CSRNP2: variants seen among roughly 807,000 people sequenced by gnomAD.
CSRNP2 encodes cysteine and serine rich nuclear protein 2.
In CSRNP2, 11 loss-of-function variants were observed where a neutral mutation model predicts 36.6. The ratio of observed to expected loss-of-function variants is 0.30; its 90% confidence interval spans 0.19 to 0.50. CSRNP2 has a LOEUF of 0.50. Ranked by LOEUF, CSRNP2 falls within the 20% of genes least tolerant of loss-of-function variation. CSRNP2 has a pLI of 0.98. For missense variants in CSRNP2, 483 were observed against 691.4 expected, an observed-to-expected ratio of 0.70 and a Z score of 3.38; for synonymous variants, 248 against 275.3, an observed-to-expected ratio of 0.90 and a Z score of 0.98.
intron 3 of CSRNP2, among the ~76,000 whole-genome samples, chr12:51,070,651 T>G (rs1939079206): frequency 6.6e-6 from 1 of 152,190 alleles, no homozygotes; most frequent in Admixed American, 6.5e-5. Flanking sequence ...CTATTCATGA[T>G]AATGAGTTCC....
chr12:51,079,533 C>T (rs559428064), intron 1 of CSRNP2, among the ~76,000 whole-genome samples: 3 of 150,328 alleles, frequency 2.0e-5, no homozygotes, highest in South Asian at 4.2e-4. Flanking sequence ...GAGGCCGAGG[C>T]GGGCAGATCA....
At chr12:51,078,068 A>G (rs1034860859) in intron 1 of CSRNP2, among the ~76,000 whole-genome samples, 1 of 152,182 alleles carries the variant, frequency 6.6e-6, no homozygotes, top group Non-Finnish European at 1.5e-5. Flanking sequence ...CTATGATCTC[A>G]CTAGTTGCTA....
intron 3 of CSRNP2, among the ~76,000 whole-genome samples, chr12:51,071,650 C>T (rs1939162840): frequency 6.6e-6 from 1 of 152,184 alleles, no homozygotes; most frequent in Non-Finnish European, 1.5e-5. Context: ...GCTCACTAAA[C>T]ATCCTGCTAA....
intron 2 of CSRNP2, among the ~76,000 whole-genome samples, 154 bp from the exon 3 acceptor site, chr12:51,074,236 GC>G (rs1713128089): frequency 6.6e-6 from 1 of 152,172 alleles, no homozygotes; most frequent in Non-Finnish European, 1.5e-5. Context: ...TCCTGCCTCA[GC>G]CTCCTGAGAA....
chr12:51,069,569 G>C (rs951135918), intron 3 of CSRNP2, among the ~76,000 whole-genome samples: 1 of 150,670 alleles, frequency 6.6e-6, no homozygotes, highest in Non-Finnish European at 1.5e-5. Flanking sequence ...TTACAGGCCT[G>C]AGCCACTGCA....
At chr12:51,069,149 G>C (rs1246554117) in intron 3 of CSRNP2, among the ~76,000 whole-genome samples, 1 of 151,746 alleles carries the variant, frequency 6.6e-6, no homozygotes, top group African/African-American at 2.4e-5. Flanking sequence ...CTAACTTTTT[G>C]TATTTTTAGT....
intron 4 of CSRNP2, among the ~76,000 whole-genome samples, chr12:51,065,288 A>G (rs931764192): frequency 3.9e-5 from 6 of 152,200 alleles, no homozygotes; most frequent in African/African-American, 2.4e-5. Flanking sequence ...TTAGTTCTGA[A>G]GCAGTTACCA....
rs2136816590 is a variant in CSRNP2, at chr12:51,062,132, TCA to T, written c.*1612_*1613del. 6.6e-6 allele frequency: 1 copy of T among 152,268 alleles called. No homozygotes were observed. Among genetic ancestry groups the T allele is most frequent in the African/African-American group, 2.4e-5 (1 of 41,550 alleles). The allele number at this position is 152,268 out of a possible 1,614,324, so 9.4% of individuals were successfully genotyped here. On this transcript the variant is annotated 3_prime_UTR_variant, in exon 5 of 5. Transcript: ENST00000228515. ...GTATTAAATACAAATCTTTTCAGGC[TCA>T]GAGTTTAGAGACTTCAGGGGTGAAA...
intron 4 of CSRNP2, among the ~76,000 whole-genome samples, chr12:51,066,127 C>A (rs1172342089): frequency 6.6e-6 from 1 of 151,280 alleles, no homozygotes; most frequent in East Asian, 1.9e-4. Flanking sequence ...TGAGACCTGC[C>A]CGGCCAACAT....
At position 51,063,134 on chromosome 12, in the gene CSRNP2, G is replaced by C. The variant is rs1338754349; in HGVS notation, c.*612C>G. The C allele has an allele frequency of 1.3e-5, 2 of 152,158 alleles. No homozygotes were observed. Among genetic ancestry groups the C allele is most frequent in the Non-Finnish European group, 2.9e-5 (2 of 68,028 alleles). 9.4% of individuals were successfully genotyped at this position (152,158 alleles called of 1,614,324 possible). A position where few individuals can be genotyped will look rare whatever the true frequency, so the allele number is the denominator to read the frequency against. On this transcript the variant is annotated 3_prime_UTR_variant, in exon 5 of 5. Coordinates refer to ENST00000228515, the MANE Select transcript of CSRNP2 (RefSeq NM_030809.3). ...ACAGACCAGGAATCCCCAGTGTGGG[G>C]AACAGGTCAGAGAACACCAAACATG...
intron 4 of CSRNP2, among the ~76,000 whole-genome samples, chr12:51,066,213 G>A (rs767160903): frequency 6.6e-6 from 1 of 152,180 alleles, no homozygotes; most frequent in Admixed American, 6.5e-5. Flanking sequence ...CCAGCACTTT[G>A]GGAGGCTGAG....
In CSRNP2 at chr12:51,063,167, T is replaced by C. The variant is rs1443601205; in HGVS notation, c.*579A>G. 2.6e-5 allele frequency: 4 copies of C among 152,050 alleles called. No homozygotes were observed. The highest frequency in any genetic ancestry group is 6.5e-5 in the Admixed American group (1 of 15,270). 9.4% of individuals were successfully genotyped at this position (152,050 alleles called of 1,614,324 possible). On this transcript the variant is annotated 3_prime_UTR_variant, in exon 5 of 5. Coordinates refer to ENST00000228515, the MANE Select transcript of CSRNP2 (RefSeq NM_030809.3). ...CAGAGAACACCAAACATGTCAAATATTAACTTATTTACCAAATATGGGATT... is the reference window on the plus strand; with the variant it reads ...CAGAGAACACCAAACATGTCAAATACTAACTTATTTACCAAATATGGGATT...
intron 3 of CSRNP2, among the ~76,000 whole-genome samples, chr12:51,068,630 G>A (rs1355539444): frequency 1.3e-5 from 2 of 151,946 alleles, no homozygotes; most frequent in Admixed American, 6.6e-5. Context: ...CAAACATACC[G>A]TCTATTTCCA....
chr12:51,074,364 G>A (rs936853117), intron 2 of CSRNP2, among the ~76,000 whole-genome samples: 12 of 152,086 alleles, frequency 7.9e-5, no homozygotes, highest in African/African-American at 1.4e-4. Context: ...TGATCCGCCC[G>A]CCCCGGCCTC....
At chr12:51,068,567 A>G (rs1184631979) in intron 3 of CSRNP2, among the ~76,000 whole-genome samples, 3 of 152,152 alleles carry the variant, frequency 2.0e-5, no homozygotes, top group African/African-American at 2.4e-5. Flanking sequence ...TTCTGGGTCC[A>G]AGCTTCTCAA....
chr12:51,063,864 G>C lies in CSRNP2; in HGVS notation c.1514C>G (p.Pro505Arg). 1 of 1,614,118 alleles carries C rather than the reference G, an allele frequency of 6.2e-7. No individual in the cohort carries two copies. The highest frequency in any genetic ancestry group is 8.5e-7 in the Non-Finnish European group (1 of 1,180,008). Residue 505 changes from proline to arginine, a missense_variant, in exon 5 of 5, where the codon CCC (proline) becomes CGC (arginine). Transcript: ENST00000228515. ...ENEDFHPSWS[P>R]SSLPFRTDNE... The stretch of plus-strand genomic sequence containing the variant: ...GTCCGTGCGGAAGGGGAGGCTTGAG[G>C]GGGACCAGGAAGGGTGGAAGTCTTC...
rs541091809 is a variant in CSRNP2 at position 51,065,605 on chromosome 12, G to A, written c.709-936C>T. On this transcript the variant is annotated intron_variant, in intron 4 of 4. Coordinates refer to ENST00000228515, the MANE Select transcript of CSRNP2 (RefSeq NM_030809.3). ...GGAGCCATGCTGGGATTACAGGTGT[G>A]AGCCACCGCGCCCGGCCCTAATTTT... Among the ~76,000 whole-genome samples the A allele has an allele frequency of 2.6e-5, 4 of 152,040 alleles. No homozygotes were observed. The South Asian group carries it at 8.3e-4, about 32-fold the overall frequency.
chr12:51,069,479 G>T (rs371271681), intron 3 of CSRNP2, among the ~76,000 whole-genome samples: 2 of 149,436 alleles, frequency 1.3e-5, no homozygotes, highest in South Asian at 4.2e-4. Context: ...TAGAGACAGG[G>T]TTTCACAATG....
intron 3 of CSRNP2, among the ~76,000 whole-genome samples, chr12:51,071,505 C>T (rs1459839397): frequency 6.6e-6 from 1 of 152,034 alleles, no homozygotes; most frequent in African/African-American, 2.4e-5. Context: ...TGGCCCACAC[C>T]TGTAGTCCCA....
Sources: gnomAD v4.1 joint callset for allele counts (sites outside exome capture counted in the v4.1 genomes callset) on GRCh38, gnomAD v4.1.1 for gene constraint, MANE v1.5 for transcripts, NCBI Gene and HGNC (gene_info 2026-07-23, HGNC 2026-07-21) for gene names.